The following GALK2 variants were observed in gnomAD, a reference collection of about 807,000 sequenced individuals.
The protein encoded by GALK2 is N-acetylgalactosamine kinase.
A neutral mutation model predicts 52.4 loss-of-function variants in GALK2; 36 were observed. The observed-to-expected ratio is 0.69, with a 90% CI of 0.53 to 0.91. GALK2 has a LOEUF of 0.91. GALK2 is among the 40% of genes least tolerant of loss of function. The probability of loss-of-function intolerance (pLI) is 0.00; values close to 1 mark genes in which losing one functional copy is unlikely to be tolerated. For missense variants in GALK2, 579 were observed against 559.1 expected, an observed-to-expected ratio of 1.04 and a Z score of -0.36; for synonymous variants, 176 against 199.1, an observed-to-expected ratio of 0.88 and a Z score of 0.98.
chr15:49,239,731 G>T (rs981885707), intron 5 of GALK2, among the ~76,000 whole-genome samples: 8 of 152,296 alleles, frequency 5.3e-5, no homozygotes, highest in African/African-American at 1.7e-4. Context: ...AATTTGACAA[G>T]TAGTGGGTTA....
intron 7 of GALK2, 142 bp downstream of exon 7, chr15:49,283,860 A>G: frequency 2.4e-6 from 2 of 822,436 alleles, no homozygotes; most frequent in Non-Finnish European, 1.9e-6. Context: ...GTCTTTGGGT[A>G]CAGAGAAATC....
At chr15:49,364,066 C>T (rs2044708416) in intron 3 of GALK2, among the ~76,000 whole-genome samples, 2 of 152,044 alleles carry the variant, frequency 1.3e-5, no homozygotes, top group Non-Finnish European at 1.5e-5. Context: ...GAATATTGGC[C>T]AGATGTTTTC....
At chr15:49,288,374 CT>C (rs2033600069) in intron 7 of GALK2, among the ~76,000 whole-genome samples, 1 of 152,174 alleles carries the variant, frequency 6.6e-6, no homozygotes, top group Non-Finnish European at 1.5e-5. Flanking sequence ...TCCTTTGACA[CT>C]TCAAGGAAAA....
intron 3 of GALK2, among the ~76,000 whole-genome samples, chr15:49,344,464 T>C (rs1279709527): frequency 6.6e-6 from 1 of 152,222 alleles, no homozygotes; most frequent in Non-Finnish European, 1.5e-5. Context: ...AACTTTATTG[T>C]GTTTCTTTAT....
rs1052111756 is a variant in GALK2, at chr15:49,313,240, T to A, written c.968-6364T>A. 5.9e-5 allele frequency among the ~76,000 whole-genome samples: 9 copies of A among 152,366 alleles called. 1 individual carries two copies. The highest frequency in any genetic ancestry group is 2.2e-4 in the African/African-American group (9 of 41,594). ...AGAAATCCAGATTCTTAGGTAAATCTTCCAATATAAAGACATTTGAGTCAA... is the reference window on the plus strand; with the variant it reads ...AGAAATCCAGATTCTTAGGTAAATCATCCAATATAAAGACATTTGAGTCAA... On this transcript the variant is annotated intron_variant, in intron 8 of 9. Coordinates refer to ENST00000560031, the MANE Select transcript of GALK2 (RefSeq NM_002044.4).
At chr15:49,295,071 T>C (rs2034338280) in intron 8 of GALK2, among the ~76,000 whole-genome samples, 1 of 151,956 alleles carries the variant, frequency 6.6e-6, no homozygotes, top group Non-Finnish European at 1.5e-5. Flanking sequence ...GATAGATGGC[T>C]CAACTGGTAG....
chr15:49,231,084 C>G (rs111682622), intron 3 of GALK2, among the ~76,000 whole-genome samples: 9,124 of 152,022 alleles, frequency 0.06, 545 homozygotes, highest in African/African-American at 0.15. Flanking sequence ...TTAGTCCATT[C>G]TTACACTGCT....
upstream of GALK2, among the ~76,000 whole-genome samples, chr15:49,166,011 C>T (rs957688269): frequency 6.6e-6 from 1 of 151,904 alleles, no homozygotes; most frequent in Non-Finnish European, 1.5e-5. Context: ...ACTGTGTTAG[C>T]CAGGATGGTC....
downstream of GALK2, among the ~76,000 whole-genome samples, chr15:49,332,335 G>C: frequency 6.6e-6 from 1 of 152,216 alleles, no homozygotes; most frequent in East Asian, 1.9e-4. Context: ...AAAGAGACTG[G>C]CAAGGTAGAG....
chr15:49,282,431 T>C (rs2032834667), intron 6 of GALK2, among the ~76,000 whole-genome samples: 1 of 152,026 alleles, frequency 6.6e-6, no homozygotes, highest in Non-Finnish European at 1.5e-5. Context: ...CCTAAATCAC[T>C]TCATCTCATG....
At chr15:49,228,390 C>T (rs1432515131) in intron 3 of GALK2, among the ~76,000 whole-genome samples, 1 of 151,610 alleles carries the variant, frequency 6.6e-6, no homozygotes, top group African/African-American at 2.4e-5. Flanking sequence ...TCATAAGTTA[C>T]ATAAGGTTTT....
intron 5 of GALK2, among the ~76,000 whole-genome samples, chr15:49,248,310 A>G (rs952333266): frequency 6.6e-6 from 1 of 152,260 alleles, no homozygotes; most frequent in Non-Finnish European, 1.5e-5. Flanking sequence ...TATGCTTAGA[A>G]GTCCACATAA....
intron 5 of GALK2, among the ~76,000 whole-genome samples, chr15:49,265,935 G>C (rs938600959): frequency 6.6e-6 from 1 of 152,200 alleles, no homozygotes; most frequent in African/African-American, 2.4e-5. Context: ...ATGCGAAGGA[G>C]GGTATGTCAG....
intron 1 of GALK2, among the ~76,000 whole-genome samples, chr15:49,163,936 T>A (rs983052278): frequency 1.3e-5 from 2 of 152,200 alleles, no homozygotes; most frequent in African/African-American, 4.8e-5. Flanking sequence ...TTTAAAATTT[T>A]TTTTTACTAT....
intron 1 of GALK2, among the ~76,000 whole-genome samples, chr15:49,192,473 T>TTATATATATATGTATATATATATA (rs923032278): frequency 1.2e-5 from 1 of 82,392 alleles, no homozygotes; most frequent in Non-Finnish European, 2.5e-5. Flanking sequence ...GCAATGAATA[T>TTATATATATATGTATATATATATA]TATATATATA....
intron 1 of GALK2, among the ~76,000 whole-genome samples, chr15:49,196,114 A>G (rs2087209239): frequency 6.6e-6 from 1 of 151,902 alleles, no homozygotes; most frequent in Non-Finnish European, 1.5e-5. Context: ...CAGGCTTTGA[A>G]TTTTTAGGTC....
chr15:49,195,544 A>T lies in GALK2; in HGVS notation c.54-5618A>T, dbSNP rs2087150044. On this transcript the variant is annotated intron_variant, in intron 1 of 9. Coordinates refer to ENST00000560031, the MANE Select transcript of GALK2 (RefSeq NM_002044.4). The stretch of plus-strand genomic sequence containing the variant: ...GTTTTTGTTTTCGCATATGAAGTCT[A>T]CTGATTTCTGTATATTAATCTTACA... Among the ~76,000 whole-genome samples the T allele has an allele frequency of 3.3e-5, 5 of 152,238 alleles. No individual in the cohort carries two copies. In the South Asian group the frequency reaches 8.3e-4, roughly 25 times the overall value.
At chr15:49,304,496 ATGT>A (rs1567042221) in intron 8 of GALK2, among the ~76,000 whole-genome samples, 1 of 152,234 alleles carries the variant, frequency 6.6e-6, no homozygotes, top group Non-Finnish European at 1.5e-5. Context: ...GAGGAAGGTA[ATGT>A]TGTTAATTGC....
At chr15:49,262,645 T>A (rs1595879746) in intron 5 of GALK2, among the ~76,000 whole-genome samples, 1 of 151,414 alleles carries the variant, frequency 6.6e-6, no homozygotes, top group Non-Finnish European at 1.5e-5. Flanking sequence ...TTTCTAGTTC[T>A]TTTAATTGTG....
Sources: allele counts gnomAD v4.1 joint callset (sites outside exome capture counted in the v4.1 genomes callset), GRCh38; gene constraint gnomAD v4.1.1; transcripts MANE v1.5; gene names NCBI Gene and HGNC (gene_info 2026-07-23, HGNC 2026-07-21).